Variants in KCNN3 observed in about 807,000 individuals in gnomAD.
KCNN3 encodes the protein potassium calcium-activated channel subfamily N member 3, also known as small conductance calcium-activated potassium channel protein 3.
A neutral mutation model predicts 62.9 loss-of-function variants in KCNN3; 16 were observed. The observed-to-expected ratio is 0.25, with a 90% CI of 0.17 to 0.39. The LOEUF (loss-of-function observed/expected upper bound fraction) is 0.39. KCNN3 is among the 10% of genes least tolerant of loss of function. KCNN3 has a pLI of 1.00. For synonymous variants in KCNN3, 370 were observed against 389.2 expected, an observed-to-expected ratio of 0.95 and a Z score of 0.58; for missense variants, 599 against 949.4, an observed-to-expected ratio of 0.63 and a Z score of 4.85.
chr1:154,779,699 C>G (rs753585191), intron 2 of KCNN3, among the ~76,000 whole-genome samples: 12 of 152,190 alleles, frequency 7.9e-5, no homozygotes, highest in Non-Finnish European at 1.6e-4. Flanking sequence ...AGCAGGGAGT[C>G]TGGGAGCAGT....
chr1:154,829,631 C>T (rs933095588), intron 1 of KCNN3, among the ~76,000 whole-genome samples: 2 of 152,214 alleles, frequency 1.3e-5, no homozygotes, highest in Non-Finnish European at 2.9e-5. Flanking sequence ...AGCCAGCTGA[C>T]CCGCATCAGG....
intron 1 of KCNN3, among the ~76,000 whole-genome samples, chr1:154,843,059 A>C (rs1049870312): frequency 1.3e-5 from 2 of 152,182 alleles, no homozygotes; most frequent in Non-Finnish European, 2.9e-5. Context: ...AATGACAGCT[A>C]TGAGTGCCTT....
intron 1 of KCNN3, among the ~76,000 whole-genome samples, chr1:154,846,949 T>A (rs1259491917): frequency 6.6e-6 from 1 of 152,100 alleles, no homozygotes; most frequent in Admixed American, 6.5e-5. Flanking sequence ...CACCCACACA[T>A]GGATGTGACC....
rs180684183 is a variant in KCNN3 at position 154,700,326 on chromosome 1, A to G, written c.*7650T>C. ...CTAACGCTGCTGGTCTGTGGACCAC[A>G]CTTTGAGTAGCAAGGGTTAGCATAT... On this transcript the variant is annotated 3_prime_UTR_variant, in exon 8 of 8. Coordinates refer to ENST00000271915, the MANE Select transcript of KCNN3 (RefSeq NM_002249.6). 2.2e-4 allele frequency: 34 copies of G among 152,348 alleles called. No homozygotes were observed. The East Asian group carries it at 6.5e-3, about 29-fold the overall frequency. 9.4% of individuals were successfully genotyped at this position (152,348 alleles called of 1,614,324 possible). A position where few individuals can be genotyped will look rare whatever the true frequency, so the allele number is the denominator to read the frequency against.
At chr1:154,825,660 G>A (rs947213915) in intron 1 of KCNN3, among the ~76,000 whole-genome samples, 1 of 151,348 alleles carries the variant, frequency 6.6e-6, no homozygotes, top group Admixed American at 6.6e-5. Context: ...GAGCCACCGC[G>A]CCCAGCTGAG....
intron 3 of KCNN3, 84 bp downstream of exon 3, chr1:154,771,891 C>T (rs762843433): frequency 2.3e-5 from 31 of 1,375,756 alleles, no homozygotes; most frequent in South Asian, 1.9e-4. Context: ...CTCCATCAGA[C>T]CACATACTTC....
chr1:154,791,083 G>A (rs1649492785), intron 2 of KCNN3, among the ~76,000 whole-genome samples: 1 of 151,944 alleles, frequency 6.6e-6, no homozygotes, highest in Admixed American at 6.6e-5. Flanking sequence ...ACAAAAATTA[G>A]CTGGGCATGG....
At chr1:154,843,914 T>TG (rs1651935863) in intron 1 of KCNN3, among the ~76,000 whole-genome samples, 1 of 151,858 alleles carries the variant, frequency 6.6e-6, no homozygotes, top group Non-Finnish European at 1.5e-5. Context: ...ATGAAGCCAG[T>TG]TCTACACAAG....
chr1:154,723,210 G>A (rs1488200260), intron 5 of KCNN3, among the ~76,000 whole-genome samples: 1 of 152,152 alleles, frequency 6.6e-6, no homozygotes, highest in African/African-American at 2.4e-5. Context: ...TTTCAATTAA[G>A]GTTATGTAAA....
chr1:154,728,847 G>C (rs1394805987), intron 4 of KCNN3, among the ~76,000 whole-genome samples: 1 of 152,176 alleles, frequency 6.6e-6, no homozygotes, highest in Non-Finnish European at 1.5e-5. Context: ...GAAGAACAAG[G>C]AGCCTAAGGC....
At chr1:154,716,484 T>A (rs1700235438) in intron 5 of KCNN3, among the ~76,000 whole-genome samples, 1 of 152,228 alleles carries the variant, frequency 6.6e-6, no homozygotes, top group South Asian at 2.1e-4. Context: ...AATACTGAGA[T>A]GTGTGGGAAG....
At chr1:154,759,610 A>C (rs574176409) in intron 3 of KCNN3, among the ~76,000 whole-genome samples, 1 of 152,238 alleles carries the variant, frequency 6.6e-6, no homozygotes, top group South Asian at 2.1e-4. Context: ...CATGGCACTA[A>C]CTGTCACTGT....
At chr1:154,755,848 GGAAGAAGGAA>G (rs1190886454) in intron 3 of KCNN3, among the ~76,000 whole-genome samples, 2 of 73,480 alleles carry the variant, frequency 2.7e-5, no homozygotes, top group African/African-American at 4.8e-5. Context: ...GGGGAAAGAA[GGAAGAAGGAA>G]GAAGAAGGAA....
rs1652807893 is a variant in KCNN3, at chr1:154,862,572, T to C, written c.933+6460A>G. 1.3e-5 allele frequency among the ~76,000 whole-genome samples: 2 copies of C among 152,028 alleles called. No homozygotes were observed. Among genetic ancestry groups the C allele is most frequent in the East Asian group, 3.9e-4 (2 of 5,182 alleles). Reference sequence around the variant, plus strand: ...TTGCAGGAAGGGCTTTCATTTTCCCTGTATTCTCCACACCTACCCTCCTCA... The same window carrying C: ...TTGCAGGAAGGGCTTTCATTTTCCCCGTATTCTCCACACCTACCCTCCTCA... On this transcript the variant is annotated intron_variant, in intron 1 of 7. Transcript: ENST00000271915. The surrounding 1 kb of genome is among the most constrained non-coding windows in gnomAD (Gnocchi z 4.1).
intron 1 of KCNN3, among the ~76,000 whole-genome samples, chr1:154,823,306 C>CT (rs1650979770): frequency 6.6e-6 from 1 of 152,174 alleles, no homozygotes; most frequent in Non-Finnish European, 1.5e-5. Flanking sequence ...CAAGCAGTGA[C>CT]TGTGTGTATG....
intron 3 of KCNN3, among the ~76,000 whole-genome samples, chr1:154,753,710 G>C (rs925495755): frequency 6.6e-6 from 1 of 152,224 alleles, no homozygotes; most frequent in Admixed American, 6.5e-5. Context: ...TCATAGGGTC[G>C]TGGTGAAAAA....
rs1699882129 is a variant in KCNN3, at chr1:154,702,745, AT to A, written c.*5230del. On this transcript the variant is annotated 3_prime_UTR_variant, in exon 8 of 8. Coordinates refer to ENST00000271915, the MANE Select transcript of KCNN3 (RefSeq NM_002249.6). ...TATATATATATATATATATATATATATATGTACTTTTTCTTTTTGGCTATAA... is the reference window on the plus strand; with the variant it reads ...TATATATATATATATATATATATATAATGTACTTTTTCTTTTTGGCTATAA... 1 of 88,536 alleles carries A rather than the reference AT, an allele frequency of 1.1e-5. No homozygotes were observed. The highest frequency in any genetic ancestry group is 2.3e-5 in the Non-Finnish European group (1 of 43,946). 5.5% of individuals were successfully genotyped at this position (88,536 alleles called of 1,614,324 possible). A position where few individuals can be genotyped will look rare whatever the true frequency, so the allele number is the denominator to read the frequency against.
chr1:154,840,146 A>T lies in KCNN3; in HGVS notation c.934-17962T>A, dbSNP rs559963190. 2.9e-4 allele frequency among the ~76,000 whole-genome samples: 44 copies of T among 152,310 alleles called. 1 individual carries two copies. In the South Asian group the frequency reaches 8.9e-3, roughly 31 times the overall value. ...AATGTAAAATTTGTAGAGATGCTCT[A>T]AAAGAAATGTACAAATTTCACAGGT... On this transcript the variant is annotated intron_variant, in intron 1 of 7. Transcript: ENST00000271915.
chr1:154,838,769 G>A (rs1204281908), intron 1 of KCNN3, among the ~76,000 whole-genome samples: 1 of 152,222 alleles, frequency 6.6e-6, no homozygotes, highest in Non-Finnish European at 1.5e-5. Context: ...TTACCAGGCT[G>A]TGAGCTCTTT....
Sources: allele counts gnomAD v4.1 joint callset (sites outside exome capture counted in the v4.1 genomes callset), GRCh38; gene constraint gnomAD v4.1.1; non-coding constraint Gnocchi (gnomAD v3.1); transcripts MANE v1.5; gene names NCBI Gene and HGNC (gene_info 2026-07-23, HGNC 2026-07-21).